The following ITPKB variants were observed in gnomAD, a reference collection of about 807,000 sequenced individuals.
The protein encoded by ITPKB is IP3 3-kinase B.
In ITPKB, 13 loss-of-function variants were observed where a neutral mutation model predicts 69.4. That is an observed-to-expected ratio of 0.19 (90% CI 0.12 to 0.30). ITPKB has a LOEUF of 0.30. Ranked by LOEUF, ITPKB falls within the 10% of genes least tolerant of loss-of-function variation. The pLI, the probability that ITPKB is intolerant of heterozygous loss-of-function variation, is 1.00. For synonymous variants in ITPKB, 584 were observed against 513.7 expected (o/e 1.14, Z -1.85); for missense variants, 1,240 against 1,250.5 (o/e 0.99, Z 0.13).
Position 226,731,944 on chromosome 1 carries a change from T to G in ITPKB, c.1932+3583A>C, listed in dbSNP as rs577225604. 8.6e-5 allele frequency among the ~76,000 whole-genome samples: 13 copies of G among 151,960 alleles called. No individual in the cohort carries two copies. In the South Asian group the frequency reaches 2.3e-3, roughly 27 times the overall value. ...ACAGATGCATTTTTTAAAGTGCCCC[T>G]CTAGGCTTTTAAATTTTAGTTTGGT... On this transcript the variant is annotated intron_variant, in intron 2 of 7. Coordinates refer to ENST00000429204, the MANE Select transcript of ITPKB (RefSeq NM_002221.4).
intron 2 of ITPKB, among the ~76,000 whole-genome samples, chr1:226,700,579 T>C (rs2102787410): frequency 6.6e-6 from 1 of 150,684 alleles, no homozygotes; most frequent in East Asian, 2.0e-4. Flanking sequence ...ATTTAATATA[T>C]ATGTGAGGCG....
intron 2 of ITPKB, among the ~76,000 whole-genome samples, chr1:226,660,352 A>T (rs994704641): frequency 6.6e-6 from 1 of 151,698 alleles, no homozygotes; most frequent in East Asian, 1.9e-4. Flanking sequence ...CCTCATCCAC[A>T]CTCTATAGGA....
intron 2 of ITPKB, among the ~76,000 whole-genome samples, chr1:226,698,873 A>G (rs12065094): frequency 0.038 from 5,774 of 152,280 alleles, 362 homozygotes; most frequent in African/African-American, 0.13. Flanking sequence ...ACCCTCTCCA[A>G]CCTGTTGCAC....
At chr1:226,639,447 G>C in intron 6 of ITPKB, 110 bp downstream of exon 6, 1 of 759,332 alleles carries the variant, frequency 1.3e-6, no homozygotes, top group South Asian at 1.4e-5. Context: ...TCGGGCTGGG[G>C]TGTGCTGTCC....
chr1:226,633,227 CAG>C lies in ITPKB; in HGVS notation c.*1442_*1443del, dbSNP rs1186377435. 6.6e-6 allele frequency: 1 copy of C among 152,262 alleles called. No homozygotes were observed. Among genetic ancestry groups the C allele is most frequent in the Non-Finnish European group, 1.5e-5 (1 of 68,080 alleles). 9.4% of individuals were successfully genotyped at this position (152,262 alleles called of 1,614,324 possible). ...TCCCGTGGGCAGGTTGACAGTTCCC[CAG>C]AGACCCCGGGGTGGTGGGGTGGGCA... is the stretch of plus-strand genomic sequence containing the variant. On this transcript the variant is annotated 3_prime_UTR_variant, in exon 8 of 8. Coordinates refer to ENST00000429204, the MANE Select transcript of ITPKB (RefSeq NM_002221.4).
intron 2 of ITPKB, 140 bp from the exon 3 acceptor site, chr1:226,648,911 C>T (rs1669116094): frequency 1.5e-6 from 1 of 668,336 alleles, no homozygotes; most frequent in Non-Finnish European, 2.7e-6. Context: ...GACCTTGCCA[C>T]CACCATCACC....
intron 2 of ITPKB, among the ~76,000 whole-genome samples, chr1:226,649,949 G>T (rs1168747674): frequency 6.6e-6 from 1 of 152,104 alleles, no homozygotes; most frequent in African/African-American, 2.4e-5. Context: ...AAATACACCC[G>T]TCCTCAGGGG....
chr1:226,665,009 C>G lies in ITPKB; in HGVS notation c.1933-16238G>C, dbSNP rs532368883. On this transcript the variant is annotated intron_variant, in intron 2 of 7. Transcript: ENST00000429204. ...AAGGCCGTGGGTGAGTGACTAGCAG[C>G]CAGGTGATATAGGGCAGAGGCCAGC... is the stretch of plus-strand genomic sequence containing the variant. Among the ~76,000 whole-genome samples, 47 of 152,334 alleles carry G rather than the reference C, an allele frequency of 3.1e-4. 1 individual carries two copies. In the South Asian group the frequency reaches 9.7e-3, roughly 32 times the overall value.
chr1:226,721,899 C>T (rs563545296), intron 2 of ITPKB, among the ~76,000 whole-genome samples: 5 of 148,118 alleles, frequency 3.4e-5, no homozygotes, highest in South Asian at 4.3e-4. Context: ...TTGCAACTCC[C>T]GCCTCCCGGG....
At chr1:226,658,059 T>C (rs1041201871) in intron 2 of ITPKB, among the ~76,000 whole-genome samples, 5 of 152,162 alleles carry the variant, frequency 3.3e-5, no homozygotes, top group African/African-American at 2.4e-5. Context: ...AGGGGAGAAT[T>C]TGTTCTGTGT....
chr1:226,648,942 G>A lies in ITPKB; in HGVS notation c.1933-171C>T, dbSNP rs535635286. On this transcript the variant is annotated intron_variant, in intron 2 of 7. Transcript: ENST00000429204. ...TCACCTATGCGGCACATGGTGGGAG[G>A]TGGCTTTACCCCATTTAACAAACAG... Among the ~76,000 whole-genome samples the A allele has an allele frequency of 5.3e-5, 8 of 152,322 alleles. No individual in the cohort carries two copies. The East Asian group carries it at 1.3e-3, about 26-fold the overall frequency.
intron 2 of ITPKB, among the ~76,000 whole-genome samples, chr1:226,695,179 G>C (rs1656447245): frequency 6.6e-6 from 1 of 152,198 alleles, no homozygotes. Flanking sequence ...GTAGTGAGCT[G>C]AGATTGTGCC....
intron 2 of ITPKB, among the ~76,000 whole-genome samples, chr1:226,664,664 A>G (rs1669464331): frequency 6.6e-6 from 1 of 152,156 alleles, no homozygotes; most frequent in Admixed American, 6.5e-5. Flanking sequence ...TTATTAGGGC[A>G]CATCTGTCTC....
At chr1:226,688,693 T>G (rs555286338) in intron 2 of ITPKB, among the ~76,000 whole-genome samples, 2 of 152,254 alleles carry the variant, frequency 1.3e-5, no homozygotes, top group South Asian at 4.1e-4. Flanking sequence ...ATGCTAGCAC[T>G]TTCTCCTTCC....
chr1:226,651,266 C>T lies in ITPKB; in HGVS notation c.1933-2495G>A, dbSNP rs188246420. Among the ~76,000 whole-genome samples the T allele has an allele frequency of 2.4e-3, 358 of 152,306 alleles. 2 individuals carry two copies. The highest frequency in any genetic ancestry group is 5.5e-3 in the Admixed American group (84 of 15,304). On this transcript the variant is annotated intron_variant, in intron 2 of 7. Transcript: ENST00000429204. Reference sequence around the variant, plus strand: ...AGACAGAGGGAGATAGGTGAGCAGGCGAGGCCTCGGGAGAGCGTGGGGCGT... The same window carrying T: ...AGACAGAGGGAGATAGGTGAGCAGGTGAGGCCTCGGGAGAGCGTGGGGCGT...
chr1:226,716,517 T>A (rs868739729), intron 2 of ITPKB, among the ~76,000 whole-genome samples: 5 of 152,196 alleles, frequency 3.3e-5, no homozygotes, highest in Admixed American at 3.3e-4. Flanking sequence ...ACCCATCACC[T>A]AGGTATTAAG....
intron 2 of ITPKB, among the ~76,000 whole-genome samples, chr1:226,708,899 G>C (rs1188261890): frequency 1.3e-5 from 2 of 152,234 alleles, no homozygotes; most frequent in African/African-American, 4.8e-5. Flanking sequence ...AGGCCATGCT[G>C]CCCTAGGCCA....
At chr1:226,650,086 G>A (rs1669156300) in intron 2 of ITPKB, among the ~76,000 whole-genome samples, 1 of 152,156 alleles carries the variant, frequency 6.6e-6, no homozygotes, top group Non-Finnish European at 1.5e-5. Context: ...CCTGACAGGG[G>A]GACACACTGA....
chr1:226,712,195 G>A lies in ITPKB; in HGVS notation c.1932+23332C>T, dbSNP rs538321388. On this transcript the variant is annotated intron_variant, in intron 2 of 7. Coordinates refer to ENST00000429204, the MANE Select transcript of ITPKB (RefSeq NM_002221.4). Reference sequence around the variant, plus strand: ...GGTTTAAACCACCTTCCCACCGCACGAGAGATGGGCAGGGCTCACTGCGAG... The same window carrying A: ...GGTTTAAACCACCTTCCCACCGCACAAGAGATGGGCAGGGCTCACTGCGAG... Among the ~76,000 whole-genome samples, 21 of 152,292 alleles carry A rather than the reference G, an allele frequency of 1.4e-4. No homozygotes were observed. In the South Asian group the frequency reaches 4.2e-3, roughly 30 times the overall value.
Sources: gnomAD v4.1 joint callset for allele counts (sites outside exome capture counted in the v4.1 genomes callset) on GRCh38, gnomAD v4.1.1 for gene constraint, MANE v1.5 for transcripts, NCBI Gene and HGNC (gene_info 2026-07-23, HGNC 2026-07-21) for gene names.